The following PGK1 variants were observed in gnomAD, a reference collection of about 807,000 sequenced individuals.
PGK1 encodes the protein phosphoglycerate kinase 1, also known as PRP 2.
Under a neutral mutation model 26.9 loss-of-function variants are expected in PGK1, and 3 were observed. The observed-to-expected ratio is 0.11, with a 90% CI of 0.05 to 0.29. The LOEUF is 0.29. Among genes scored for constraint, PGK1 ranks in the 10% least tolerant of loss-of-function variants. The probability of loss-of-function intolerance (pLI) is 1.00; values close to 1 mark genes in which losing one functional copy is unlikely to be tolerated. For missense variants in PGK1, 270 were observed against 314.7 expected, an observed-to-expected ratio of 0.86 and a Z score of 1.07; for synonymous variants, 125 against 115.3, an observed-to-expected ratio of 1.08 and a Z score of -0.54.
intron 6 of PGK1, among the ~76,000 whole-genome samples, chrX:78,121,291 T>G (rs2078353743): frequency 1.8e-5 from 2 of 112,164 alleles, no homozygotes; most frequent in African/African-American, 6.5e-5. Flanking sequence ...TAATCTCCTA[T>G]TTATTACTTT....
In PGK1 at chrX:78,104,280, T is replaced by C; in HGVS notation, c.-61T>C. On this transcript the variant is annotated 5_prime_UTR_variant, in exon 1 of 11. Coordinates refer to ENST00000373316, the MANE Select transcript of PGK1 (RefSeq NM_000291.4). ...ATTCTGCAAGCCTCCGGAGCGCACG[T>C]CGGCAGTCGGCTCCCTCGTTGACCG... 1 of 879,007 alleles carries C rather than the reference T, an allele frequency of 1.1e-6. No individual in the cohort carries two copies. Among genetic ancestry groups the C allele is most frequent in the Non-Finnish European group, 1.7e-6 (1 of 595,552 alleles). The allele number at this position is 879,007 out of a possible 1,213,427, so 72.4% of individuals were successfully genotyped here. A position where few individuals can be genotyped will look rare whatever the true frequency, so the allele number is the denominator to read the frequency against.
In PGK1 at chrX:78,129,242, T is replaced by TATCTATCTATCTA. The variant is rs1557249093; in HGVS notation, c.*3413_*3425dup. ...GTACCTATCTATCTATCTATCTATC[T>TATCTATCTATCTA]ATCTATCTATCTATCTATCTGTATA... On this transcript the variant is annotated 3_prime_UTR_variant, in exon 11 of 11. Coordinates refer to ENST00000373316, the MANE Select transcript of PGK1 (RefSeq NM_000291.4). The TATCTATCTATCTA allele has an allele frequency of 9.1e-6, 1 of 110,312 alleles. No homozygotes were observed. The highest frequency in any genetic ancestry group is 3.3e-5 in the African/African-American group (1 of 30,235). The allele number at this position is 110,312 out of a possible 1,213,427, so 9.1% of individuals were successfully genotyped here. A position where few individuals can be genotyped will look rare whatever the true frequency, so the allele number is the denominator to read the frequency against.
At chrX:78,121,705 T>G (rs782666339) in intron 6 of PGK1, among the ~76,000 whole-genome samples, 2 of 112,516 alleles carry the variant, frequency 1.8e-5, no homozygotes, top group African/African-American at 6.5e-5. Flanking sequence ...GTTTGGATCT[T>G]TTTTGTCTCA....
At chrX:78,122,703 A>T (rs781822637) in intron 6 of PGK1, 132 bp from the exon 7 acceptor site, 2 of 487,535 alleles carry the variant, frequency 4.1e-6, no homozygotes, top group African/African-American at 4.7e-5. Context: ...ACATAGGGCA[A>T]AGTTAGGCAG....
At chrX:78,113,651 G>A in intron 2 of PGK1, 93 bp from the exon 3 acceptor site, 1 of 808,458 alleles carries the variant, frequency 1.2e-6, no homozygotes, top group Non-Finnish European at 1.8e-6. Flanking sequence ...GAGAAGAAAA[G>A]GAGCTTTATG....
At chrX:78,105,789 A>C (rs2149128468) in intron 1 of PGK1, among the ~76,000 whole-genome samples, 1 of 112,107 alleles carries the variant, frequency 8.9e-6, no homozygotes, top group East Asian at 2.8e-4. Flanking sequence ...CAAATGACAT[A>C]GGCCTTTGTA....
chrX:78,111,687 G>T (rs2078302215), intron 2 of PGK1, among the ~76,000 whole-genome samples: 1 of 111,895 alleles, frequency 8.9e-6, no homozygotes, highest in African/African-American at 3.2e-5. Context: ...CTGTCATTTT[G>T]CCAAGCACAT....
chrX:78,111,972 A>G (rs1557246918), intron 2 of PGK1, among the ~76,000 whole-genome samples: 1 of 112,357 alleles, frequency 8.9e-6, no homozygotes, highest in African/African-American at 3.2e-5. Flanking sequence ...AGATTTTTAA[A>G]TTTGATATAA....
chrX:78,116,744 A>G (rs781956728), intron 4 of PGK1, among the ~76,000 whole-genome samples: 50 of 112,488 alleles, frequency 4.4e-4, no homozygotes, highest in African/African-American at 1.6e-3. Context: ...GTTTTCTCAG[A>G]TGCCTAGCTT....
intron 4 of PGK1, among the ~76,000 whole-genome samples, chrX:78,116,776 C>CT (rs782487830): frequency 2.5e-4 from 28 of 111,943 alleles, no homozygotes; most frequent in South Asian, 7.4e-4. Context: ...CATAAAATAC[C>CT]TTTTTGTCAA....
intron 1 of PGK1, among the ~76,000 whole-genome samples, chrX:78,108,831 A>T (rs1417593162): frequency 8.9e-6 from 1 of 112,035 alleles, no homozygotes; most frequent in Non-Finnish European, 1.9e-5. Flanking sequence ...AACATATAAC[A>T]ACAACACTTT....
At chrX:78,116,602 C>G (rs1259089073) in intron 4 of PGK1, among the ~76,000 whole-genome samples, 1 of 112,425 alleles carries the variant, frequency 8.9e-6, no homozygotes, top group Non-Finnish European at 1.9e-5. Context: ...GCCAGAGACT[C>G]TCTGGTTTGC....
At chrX:78,105,907 G>C (rs1219727564) in intron 1 of PGK1, among the ~76,000 whole-genome samples, 1 of 111,808 alleles carries the variant, frequency 8.9e-6, no homozygotes, top group South Asian at 3.7e-4. Flanking sequence ...AACAGGACAG[G>C]TGGACATTGG....
chrX:78,122,813 T>G (rs2078362861), intron 6 of PGK1, 22 bp from the exon 7 acceptor site: 1 of 915,301 alleles, frequency 1.1e-6, no homozygotes, highest in Non-Finnish European at 1.6e-6. Flanking sequence ...CTTTAAGTGA[T>G]GATTCTTGCT....
At position 78,114,022 on chromosome X, in the gene PGK1, T is replaced by G; in HGVS notation, c.279T>G (p.Val93=). 1 of 1,211,439 alleles carries G rather than the reference T, an allele frequency of 8.3e-7. No homozygotes were observed. The highest frequency in any genetic ancestry group is 1.1e-6 in the Non-Finnish European group (1 of 895,219). The change falls in exon 4 of 11, where the codon GTT becomes GTG. Residue 93 remains valine, a synonymous_variant. Transcript: ENST00000373316. ...CATCTCTTCCTCTTCTCAGGGATGTTCTGTTCTTGAAGGACTGTGTAGGCC... is the reference window on the plus strand; with the variant it reads ...CATCTCTTCCTCTTCTCAGGGATGTGCTGTTCTTGAAGGACTGTGTAGGCC... ...VELKSLLGKD[V]LFLKDCVGPE... is the part of the protein sequence containing the mutation.
chrX:78,122,795 C>A (rs199975406), intron 6 of PGK1, 40 bp from the exon 7 acceptor site: 10 of 762,801 alleles, frequency 1.3e-5, no homozygotes, highest in Non-Finnish European at 2.0e-5. Flanking sequence ...CTTCTCTAGT[C>A]CATTCTTCTT....
Position 78,118,108 on chromosome X carries a change from G to A in PGK1, c.579G>A (p.Glu193=). Reference sequence around the variant, plus strand: ...CTGGTGGGTTTTTGATGAAGAAGGAGCTGAACTACTTTGCAAAGGCCTTGG... The same window carrying A: ...CTGGTGGGTTTTTGATGAAGAAGGAACTGAACTACTTTGCAAAGGCCTTGG... ...QKAGGFLMKK[E]LNYFAKALES... Residue 193 remains glutamate, a synonymous_variant, in exon 6 of 11, where the codon GAG becomes GAA. Transcript: ENST00000373316. 8.3e-7 allele frequency: 1 copy of A among 1,207,841 alleles called. No individual in the cohort carries two copies. The highest frequency in any genetic ancestry group is 1.1e-6 in the Non-Finnish European group (1 of 892,577).
At chrX:78,112,220 C>T (rs1178189369) in intron 2 of PGK1, among the ~76,000 whole-genome samples, 19 of 111,380 alleles carry the variant, frequency 1.7e-4, no homozygotes, top group African/African-American at 6.2e-4. Flanking sequence ...ATTACATGTA[C>T]GCACACACAC....
At position 78,127,183 on chromosome X, in the gene PGK1, C is replaced by G. The variant is rs1202629988; in HGVS notation, c.*1353C>G. On this transcript the variant is annotated 3_prime_UTR_variant, in exon 11 of 11. Coordinates refer to ENST00000373316, the MANE Select transcript of PGK1 (RefSeq NM_000291.4). ...CTACTAGCTTCCTGAGAAAGGGTGC[C>G]TGGGAGGCAAAATCTCTAAGACTTT... is the stretch of plus-strand genomic sequence containing the variant. 1 of 112,619 alleles carries G rather than the reference C, an allele frequency of 8.9e-6. No homozygotes were observed. Among genetic ancestry groups the G allele is most frequent in the Non-Finnish European group, 1.9e-5 (1 of 53,355 alleles). 9.3% of individuals were successfully genotyped at this position (112,619 alleles called of 1,213,427 possible). A position where few individuals can be genotyped will look rare whatever the true frequency, so the allele number is the denominator to read the frequency against.
Sources: allele counts gnomAD v4.1 joint callset (sites outside exome capture counted in the v4.1 genomes callset), GRCh38; gene constraint gnomAD v4.1.1; transcripts MANE v1.5; gene names NCBI Gene and HGNC (gene_info 2026-07-23, HGNC 2026-07-21).